The following AFTPH variants were observed in gnomAD, a reference collection of about 807,000 sequenced individuals.
AFTPH encodes aftiphilin.
A neutral mutation model predicts 72.5 loss-of-function variants in AFTPH; 7 were observed. The observed-to-expected ratio is 0.10, with a 90% CI of 0.05 to 0.18. The LOEUF (loss-of-function observed/expected upper bound fraction) is 0.18, where lower values mean the gene tolerates loss of function less well. Among genes scored for constraint, AFTPH ranks in the 10% least tolerant of loss-of-function variants. The pLI is 1.00. For missense variants in AFTPH, 979 were observed against 1,060.5 expected, an observed-to-expected ratio of 0.92 and a Z score of 1.07; for synonymous variants, 337 against 370.1, an observed-to-expected ratio of 0.91 and a Z score of 1.03.
Position 64,548,661 on chromosome 2 carries a change from G to A in AFTPH, c.-32-2782G>A, listed in dbSNP as rs796361244. 1.5e-4 allele frequency among the ~76,000 whole-genome samples: 23 copies of A among 152,122 alleles called. 1 individual carries two copies. The highest frequency in any genetic ancestry group is 2.2e-4 in the African/African-American group (9 of 41,506). On this transcript the variant is annotated intron_variant, in intron 1 of 8. Coordinates refer to ENST00000238856, the Ensembl canonical transcript of AFTPH. ...TTTCCCCACATTCTCATTAACAATC[G>A]CAAAGTGATTTTAAATAATAGGAAC...
chr2:64,563,986 T>C (rs555888856), intron 2 of AFTPH, among the ~76,000 whole-genome samples: 1 of 152,324 alleles, frequency 6.6e-6, no homozygotes, highest in Admixed American at 6.5e-5. Flanking sequence ...TAAGTCATAA[T>C]GCCTGTAAGC....
At chr2:64,568,312 GTTTTC>G (rs1294552709) in intron 3 of AFTPH, among the ~76,000 whole-genome samples, 1 of 151,870 alleles carries the variant, frequency 6.6e-6, no homozygotes, top group Non-Finnish European at 1.5e-5. Flanking sequence ...TCAAGCCACT[GTTTTC>G]TTTATAGTAC....
chr2:64,567,898 A>G (rs550670615), intron 3 of AFTPH, among the ~76,000 whole-genome samples, 185 bp downstream of exon 3: 2 of 64,094 alleles, frequency 3.1e-5, no homozygotes, highest in African/African-American at 1.1e-4. Flanking sequence ...GAAAATTAGC[A>G]GGGTATGGTG....
At chr2:64,581,141 G>T in intron 7 of AFTPH, 49 bp from the exon 8 acceptor site, 1 of 1,427,068 alleles carries the variant, frequency 7.0e-7, no homozygotes, top group South Asian at 1.3e-5. Flanking sequence ...CTCCTCCCTT[G>T]GCTTACCTTC....
intron 2 of AFTPH, among the ~76,000 whole-genome samples, chr2:64,563,490 C>T (rs188897464): frequency 6.6e-6 from 1 of 152,216 alleles, no homozygotes; most frequent in Non-Finnish European, 1.5e-5. Flanking sequence ...TGAAAAAAAC[C>T]TGTCTGGTCA....
intron 1 of AFTPH, among the ~76,000 whole-genome samples, chr2:64,536,716 C>A (rs1247283615): frequency 1.3e-5 from 2 of 151,450 alleles, no homozygotes; most frequent in Non-Finnish European, 2.9e-5. Context: ...ACTTTGGGAG[C>A]CCAAGGTAAG....
At chr2:64,567,625 G>A (rs1239701117) in exon 3 of AFTPH, 1 of 1,613,638 alleles carries the variant, frequency 6.2e-7, no homozygotes, top group South Asian at 1.1e-5. Flanking sequence ...ACTTGTCCCT[G>A]ATGCTGAAGA....
In AFTPH at chr2:64,540,128, C is replaced by T. The variant is rs150612338; in HGVS notation, c.-32-11315C>T. On this transcript the variant is annotated intron_variant, in intron 1 of 8. Transcript: ENST00000238856. ...TTAGTGAAGGGACATGAAATCAAAG[C>T]AGTTTCTGCCTTTCAGATTCTATTT... 2.4e-3 allele frequency among the ~76,000 whole-genome samples: 370 copies of T among 152,224 alleles called. 1 individual carries two copies. The highest frequency in any genetic ancestry group is 8.4e-3 in the African/African-American group (347 of 41,532).
chr2:64,569,910 A>AGT (rs1222146226), intron 5 of AFTPH, among the ~76,000 whole-genome samples: 1 of 152,216 alleles, frequency 6.6e-6, no homozygotes, highest in African/African-American at 2.4e-5. Flanking sequence ...TTTTTATCTT[A>AGT]GTAATATTAG....
At chr2:64,533,685 T>C (rs562102878) in intron 1 of AFTPH, among the ~76,000 whole-genome samples, 107 of 152,282 alleles carry the variant, frequency 7.0e-4, no homozygotes, top group African/African-American at 2.5e-3. Flanking sequence ...TGGTATACTA[T>C]ATAACCACCA....
chr2:64,581,717 G>A (rs1255845738), intron 7 of AFTPH, among the ~76,000 whole-genome samples: 3 of 152,112 alleles, frequency 2.0e-5, no homozygotes, highest in Non-Finnish European at 4.4e-5. Context: ...ACAAATTCCA[G>A]CATTCAATTA....
At chr2:64,551,732 T>C in exon 2 of AFTPH, 1 of 1,613,710 alleles carries the variant, frequency 6.2e-7, no homozygotes, top group Non-Finnish European at 8.5e-7. Flanking sequence ...CCATTAAAAA[T>C]GGTAATGATA....
intron 6 of AFTPH, among the ~76,000 whole-genome samples, chr2:64,575,100 G>GT (rs1378348625): frequency 6.8e-6 from 1 of 147,576 alleles, no homozygotes; most frequent in Non-Finnish European, 1.5e-5. Context: ...ATTGCTTATT[G>GT]TATCAGTTAG....
intron 1 of AFTPH, among the ~76,000 whole-genome samples, chr2:64,548,068 G>A (rs1670760286): frequency 6.7e-6 from 1 of 150,030 alleles, no homozygotes; most frequent in Admixed American, 6.6e-5. Flanking sequence ...TGGGATTACA[G>A]GTGTGAGCCA....
rs546600280 is a variant in AFTPH at position 64,553,486 on chromosome 2, A to T, written c.1935+77A>T. ...TTCTAATTTCAGCTTTTCAAAAAAT[A>T]TTTTTTCAACTGAGTACTTGTTAAA... On this transcript the variant is annotated intron_variant, in intron 2 of 8. Coordinates refer to ENST00000238856, the Ensembl canonical transcript of AFTPH. 66 of 1,450,444 alleles carry T rather than the reference A, an allele frequency of 4.6e-5. No individual in the cohort carries two copies. The African/African-American group carries it at 9.1e-4, about 20-fold the overall frequency. The allele number at this position is 1,450,444 out of a possible 1,614,324, so 89.8% of individuals were successfully genotyped here. A position where few individuals can be genotyped will look rare whatever the true frequency, so the allele number is the denominator to read the frequency against.
rs34614295 is a variant in AFTPH at position 64,572,220 on chromosome 2, C to CAAAA, written c.2272-713_2272-710dup. On this transcript the variant is annotated intron_variant, in intron 5 of 8. Transcript: ENST00000238856. ...GGGCAACAGGAGCAAAACTCTGTCTCAAAAAAAAAAAAAAAAGGTGTATTA... is the reference window on the plus strand; with the variant it reads ...GGGCAACAGGAGCAAAACTCTGTCTCAAAAAAAAAAAAAAAAAAAAGGTGTATTA... Among the ~76,000 whole-genome samples the CAAAA allele has an allele frequency of 7.8e-4, 91 of 116,852 alleles. 1 individual carries two copies. The highest frequency in any genetic ancestry group is 9.5e-4 in the Non-Finnish European group (53 of 55,790). 76.7% of individuals were successfully genotyped at this position (116,852 alleles called of 152,430 possible).
chr2:64,562,046 C>T (rs753113578), intron 2 of AFTPH, among the ~76,000 whole-genome samples: 2 of 152,140 alleles, frequency 1.3e-5, no homozygotes, highest in African/African-American at 4.8e-5. Flanking sequence ...GTGTACTATA[C>T]CACCAGTAAG....
intron 1 of AFTPH, among the ~76,000 whole-genome samples, chr2:64,542,375 A>G (rs1572956291): frequency 1.3e-5 from 2 of 152,154 alleles, no homozygotes; most frequent in East Asian, 3.9e-4. Context: ...TATTTCCCAC[A>G]TGTGATGAAT....
chr2:64,538,685 A>G (rs1400165430), intron 1 of AFTPH, among the ~76,000 whole-genome samples: 1 of 152,214 alleles, frequency 6.6e-6, no homozygotes, highest in East Asian at 1.9e-4. Flanking sequence ...AAATTAAAGT[A>G]AAATTAATAG....
Sources: gnomAD v4.1 joint callset for allele counts (sites outside exome capture counted in the v4.1 genomes callset) on GRCh38, gnomAD v4.1.1 for gene constraint, MANE v1.5 for transcripts, NCBI Gene and HGNC (gene_info 2026-07-23, HGNC 2026-07-21) for gene names.